NCK1: variants seen among roughly 807,000 people sequenced by gnomAD.
The protein encoded by NCK1 is NCK adaptor protein 1, also known as SH2/SH3 adapter protein NCK1.
NCK1 carries 19 observed loss-of-function variants against 36.6 expected under a neutral mutation model. That is an observed-to-expected ratio of 0.52 (90% CI 0.36 to 0.76). The LOEUF (loss-of-function observed/expected upper bound fraction) is 0.76. Among genes scored for constraint, NCK1 ranks in the 30% least tolerant of loss-of-function variants. The probability of loss-of-function intolerance (pLI) is 0.00; values close to 1 mark genes in which losing one functional copy is unlikely to be tolerated. For missense variants in NCK1, 358 were observed against 445.6 expected (o/e 0.80, Z 1.77); for synonymous variants, 165 against 156.0 (o/e 1.06, Z -0.43).
intron 1 of NCK1, among the ~76,000 whole-genome samples, chr3:136,907,422 T>C (rs1289849406): frequency 6.6e-6 from 1 of 152,158 alleles, no homozygotes; most frequent in Non-Finnish European, 1.5e-5. Flanking sequence ...GCGTGAGCTC[T>C]CTCTGGAATA....
chr3:136,893,602 TGA>T (rs1939313168), intron 1 of NCK1, among the ~76,000 whole-genome samples: 1 of 152,208 alleles, frequency 6.6e-6, no homozygotes, highest in Non-Finnish European at 1.5e-5. Flanking sequence ...TTTACTCTGC[TGA>T]TTGTGTCTTT....
intron 1 of NCK1, among the ~76,000 whole-genome samples, chr3:136,901,509 G>A (rs964269857): frequency 2.6e-5 from 4 of 151,760 alleles, no homozygotes; most frequent in Non-Finnish European, 4.4e-5. Context: ...ATCCAGTCCC[G>A]GACTTCTGTT....
rs541523500 is a variant in NCK1, at chr3:136,868,924, G to A, written c.-19+6571G>A. Among the ~76,000 whole-genome samples, 13 of 152,188 alleles carry A rather than the reference G, an allele frequency of 8.5e-5. No homozygotes were observed. In the East Asian group the frequency reaches 1.4e-3, roughly 16 times the overall value. On this transcript the variant is annotated intron_variant, in intron 1 of 3. Coordinates refer to ENST00000481752, the MANE Select transcript of NCK1 (RefSeq NM_001291999.2). ...CATCTGTCAGGAACCATCACTTCTT[G>A]TTGAGCAAGACAAGACAAAATATCT...
chr3:136,869,380 C>T (rs1938541708), intron 1 of NCK1, among the ~76,000 whole-genome samples: 1 of 152,174 alleles, frequency 6.6e-6, no homozygotes, highest in East Asian at 1.9e-4. Context: ...AACCCTGTCT[C>T]TACTAAATAC....
At chr3:136,892,123 A>G (rs551191163) in intron 1 of NCK1, among the ~76,000 whole-genome samples, 110 of 152,178 alleles carry the variant, frequency 7.2e-4, no homozygotes, top group Admixed American at 7.2e-4. Flanking sequence ...TTTAGCCTCA[A>G]GGGATCCTCC....
At chr3:136,926,045 G>A (rs7431100) in intron 1 of NCK1, among the ~76,000 whole-genome samples, 103,631 of 151,910 alleles carry the variant, frequency 0.68, 35,631 homozygotes, top group East Asian at 0.87. Context: ...TGACATCTCA[G>A]TGTGGTTTTA....
chr3:136,908,289 G>A (rs1004276704), intron 1 of NCK1, among the ~76,000 whole-genome samples: 1 of 152,096 alleles, frequency 6.6e-6, no homozygotes, highest in Non-Finnish European at 1.5e-5. Flanking sequence ...AATAATTAAA[G>A]TACTTTTAAA....
In NCK1 at chr3:136,944,281, G is replaced by A. The variant is rs528707788; in HGVS notation, c.227-1302G>A. Reference sequence around the variant, plus strand: ...CTACAGGTGCACACCACTGCACCCAGCTAATTTTTGTATTTTTAGTAGAGA... The same window carrying A: ...CTACAGGTGCACACCACTGCACCCAACTAATTTTTGTATTTTTAGTAGAGA... On this transcript the variant is annotated intron_variant, in intron 2 of 3. Coordinates refer to ENST00000481752, the MANE Select transcript of NCK1 (RefSeq NM_001291999.2). 1.2e-3 allele frequency among the ~76,000 whole-genome samples: 188 copies of A among 151,896 alleles called. 2 individuals carry two copies. The highest frequency in any genetic ancestry group is 4.3e-3 in the African/African-American group (180 of 41,394).
intron 1 of NCK1, among the ~76,000 whole-genome samples, chr3:136,889,917 T>C (rs1003792967): frequency 6.6e-6 from 1 of 152,120 alleles, no homozygotes; most frequent in Non-Finnish European, 1.5e-5. Flanking sequence ...CCCACCAGAC[T>C]CAGGAGCCCA....
intron 1 of NCK1, among the ~76,000 whole-genome samples, chr3:136,912,739 TCAAACTC>T (rs1334911849): frequency 6.6e-6 from 1 of 151,932 alleles, no homozygotes; most frequent in Non-Finnish European, 1.5e-5. Context: ...CACTGCAGCC[TCAAACTC>T]CTGGGCTCAA....
At chr3:136,864,573 A>C (rs550610138) in intron 1 of NCK1, among the ~76,000 whole-genome samples, 1 of 151,170 alleles carries the variant, frequency 6.6e-6, no homozygotes, top group Non-Finnish European at 1.5e-5. Flanking sequence ...GGGTAGTTCA[A>C]GCCTGTAATC....
At chr3:136,882,068 A>G (rs986215867) in intron 1 of NCK1, among the ~76,000 whole-genome samples, 5 of 152,192 alleles carry the variant, frequency 3.3e-5, no homozygotes, top group Non-Finnish European at 5.9e-5. Context: ...ATTATATGGT[A>G]AACTATTTTT....
intron 1 of NCK1, among the ~76,000 whole-genome samples, chr3:136,922,663 A>G (rs1277451876): frequency 6.6e-6 from 1 of 152,238 alleles, no homozygotes; most frequent in Non-Finnish European, 1.5e-5. Flanking sequence ...AGATTGGCAA[A>G]AATCCAAAAG....
intron 1 of NCK1, among the ~76,000 whole-genome samples, chr3:136,901,027 A>C (rs1225451868): frequency 6.6e-6 from 1 of 152,130 alleles, no homozygotes; most frequent in Non-Finnish European, 1.5e-5. Flanking sequence ...TTCCCCATTC[A>C]GTATGATGTT....
At chr3:136,940,878 C>G (rs191307435) in intron 2 of NCK1, among the ~76,000 whole-genome samples, 2 of 152,194 alleles carry the variant, frequency 1.3e-5, no homozygotes, top group East Asian at 1.9e-4. Context: ...CCACCCCACT[C>G]TCTCAGTTAT....
At chr3:136,908,960 T>C (rs1421796753) in intron 1 of NCK1, among the ~76,000 whole-genome samples, 1 of 152,092 alleles carries the variant, frequency 6.6e-6, no homozygotes, top group Admixed American at 6.6e-5. Context: ...GACACTACAC[T>C]CATGAATGAA....
intron 1 of NCK1, among the ~76,000 whole-genome samples, chr3:136,914,927 T>C (rs1939920761): frequency 6.6e-6 from 1 of 152,154 alleles, no homozygotes; most frequent in Admixed American, 6.5e-5. Flanking sequence ...TGGGAGCCAG[T>C]TGTTAAAAAG....
At chr3:136,871,564 C>G (rs1010246408) in intron 1 of NCK1, among the ~76,000 whole-genome samples, 1 of 152,066 alleles carries the variant, frequency 6.6e-6, no homozygotes, top group Non-Finnish European at 1.5e-5. Context: ...CTCTTGCGCC[C>G]CCTCCAATCA....
chr3:136,909,885 C>T (rs973725538), intron 1 of NCK1, among the ~76,000 whole-genome samples: 4 of 152,138 alleles, frequency 2.6e-5, no homozygotes, highest in African/African-American at 9.7e-5. Context: ...GATGTTAATA[C>T]AGCCCACCTC....
Sources: gnomAD v4.1 joint callset for allele counts (sites outside exome capture counted in the v4.1 genomes callset) on GRCh38, gnomAD v4.1.1 for gene constraint, MANE v1.5 for transcripts, NCBI Gene and HGNC (gene_info 2026-07-23, HGNC 2026-07-21) for gene names.